The following DCC variants were observed in gnomAD, a reference collection of about 807,000 sequenced individuals.
DCC encodes netrin receptor DCC.
In DCC, 58 loss-of-function variants were observed where a neutral mutation model predicts 172.5. The observed-to-expected ratio is 0.34, with a 90% CI of 0.27 to 0.42. The LOEUF (loss-of-function observed/expected upper bound fraction) is 0.42. DCC is among the 10% of genes least tolerant of loss of function. The pLI is 1.00. For synonymous variants in DCC, 709 were observed against 644.5 expected, an observed-to-expected ratio of 1.10 and a Z score of -1.52; for missense variants, 1,740 against 1,791.0, an observed-to-expected ratio of 0.97 and a Z score of 0.51.
intron 1 of DCC, among the ~76,000 whole-genome samples, chr18:52,417,848 G>A (rs1019178702): frequency 3.9e-5 from 6 of 152,088 alleles, no homozygotes; most frequent in South Asian, 2.1e-4. Flanking sequence ...TAGTTTGATC[G>A]TCTGAAGCCT....
chr18:53,169,742 C>T lies in DCC; in HGVS notation c.1419-9220C>T, dbSNP rs377615367. Among the ~76,000 whole-genome samples, 8 of 152,126 alleles carry T rather than the reference C, an allele frequency of 5.3e-5. No homozygotes were observed. In the South Asian group the frequency reaches 6.2e-4, roughly 12 times the overall value. On this transcript the variant is annotated intron_variant, in intron 8 of 28. Transcript: ENST00000442544. ...AGGAGTTGTTAACGCAGTGAGAGGC[C>T]GAACAATACAAGTTTACCCAAAAAT...
At chr18:53,524,277 A>G (rs1219593545) in intron 27 of DCC, among the ~76,000 whole-genome samples, 2 of 152,006 alleles carry the variant, frequency 1.3e-5, no homozygotes, top group Non-Finnish European at 2.9e-5. Flanking sequence ...GATTAAAAAT[A>G]AATAAGTTGT....
At chr18:53,240,748 T>C (rs1252330859) in intron 12 of DCC, among the ~76,000 whole-genome samples, 1 of 152,202 alleles carries the variant, frequency 6.6e-6, no homozygotes, top group Non-Finnish European at 1.5e-5. Flanking sequence ...GTCATTATCA[T>C]TTTTATCATT....
intron 1 of DCC, among the ~76,000 whole-genome samples, chr18:52,542,415 T>C (rs576164387): frequency 3.3e-5 from 5 of 152,290 alleles, no homozygotes; most frequent in Non-Finnish European, 7.4e-5. Context: ...GCTATACAGT[T>C]GGAGAATCAT....
intron 12 of DCC, 148 bp downstream of exon 12, chr18:53,215,745 C>T (rs1598914396): frequency 8.2e-6 from 6 of 732,150 alleles, no homozygotes; most frequent in Admixed American, 1.9e-5. Flanking sequence ...TGACATTGAT[C>T]CCACATCCTC....
At chr18:53,085,376 C>A (rs991968176) in intron 7 of DCC, among the ~76,000 whole-genome samples, 2 of 151,942 alleles carry the variant, frequency 1.3e-5, no homozygotes, top group Non-Finnish European at 2.9e-5. Flanking sequence ...AATTAAGGAT[C>A]TTTACCAGTT....
chr18:52,914,241 C>T (rs2040009524), intron 3 of DCC, among the ~76,000 whole-genome samples: 1 of 151,872 alleles, frequency 6.6e-6, no homozygotes, highest in Non-Finnish European at 1.5e-5. Context: ...TCACTTCCTT[C>T]AGACTTGCTA....
intron 5 of DCC, among the ~76,000 whole-genome samples, chr18:53,037,494 T>G (rs544819640): frequency 6.6e-6 from 1 of 151,962 alleles, no homozygotes; most frequent in African/African-American, 2.4e-5. Context: ...CGCTCTGTTA[T>G]CCATTTGCAT....
chr18:53,257,441 A>C (rs2056534650), intron 12 of DCC, among the ~76,000 whole-genome samples: 1 of 152,178 alleles, frequency 6.6e-6, no homozygotes, highest in South Asian at 2.1e-4. Context: ...AATTTTGTCA[A>C]AGGCCTTTTC....
intron 1 of DCC, among the ~76,000 whole-genome samples, chr18:52,361,629 C>A (rs181036025): frequency 2.6e-5 from 4 of 152,298 alleles, no homozygotes; most frequent in Non-Finnish European, 5.9e-5. Flanking sequence ...GGCCAGCCAA[C>A]CTCCATATCA....
intron 1 of DCC, among the ~76,000 whole-genome samples, chr18:52,347,103 T>C (rs1983912342): frequency 6.6e-6 from 1 of 152,220 alleles, no homozygotes; most frequent in Non-Finnish European, 1.5e-5. Context: ...ACTGAATCTT[T>C]AGGATGTTAT....
chr18:53,186,619 G>A (rs935288596), intron 9 of DCC, among the ~76,000 whole-genome samples: 2 of 152,156 alleles, frequency 1.3e-5, no homozygotes, highest in Non-Finnish European at 2.9e-5. Flanking sequence ...ATTTTTCTAT[G>A]CAGTTCATAA....
At chr18:52,926,871 A>C (rs113522946) in intron 5 of DCC, among the ~76,000 whole-genome samples, 2 of 146,040 alleles carry the variant, frequency 1.4e-5, no homozygotes, top group Admixed American at 6.8e-5. Flanking sequence ...GTATATATAC[A>C]TATACATATA....
chr18:53,021,520 C>T (rs1350421628), intron 5 of DCC, among the ~76,000 whole-genome samples: 1 of 151,012 alleles, frequency 6.6e-6, no homozygotes, highest in East Asian at 2.0e-4. Context: ...AGAGGAAGTA[C>T]TGAACAGAGA....
chr18:52,781,180 G>A (rs1382153975), intron 2 of DCC, among the ~76,000 whole-genome samples: 1 of 152,110 alleles, frequency 6.6e-6, no homozygotes, highest in Admixed American at 6.6e-5. Context: ...GCAGAGCCTG[G>A]CTGTTTGAAT....
At chr18:52,688,350 A>G (rs2035875216) in intron 1 of DCC, among the ~76,000 whole-genome samples, 1 of 152,132 alleles carries the variant, frequency 6.6e-6, no homozygotes, top group Non-Finnish European at 1.5e-5. Context: ...AGACAAGAAT[A>G]TGGAAGCTTG....
chr18:52,816,879 C>A (rs575977630), intron 2 of DCC: 130 of 152,186 alleles, frequency 8.5e-4, no homozygotes, highest in African/African-American at 2.8e-3. Flanking sequence ...AAATCTATTT[C>A]TATTATCTTA....
chr18:52,822,782 T>G lies in DCC; in HGVS notation c.412+70408T>G, dbSNP rs369008173. 1.1e-4 allele frequency among the ~76,000 whole-genome samples: 17 copies of G among 152,322 alleles called. No homozygotes were observed. The South Asian group carries it at 2.9e-3, about 26-fold the overall frequency. On this transcript the variant is annotated intron_variant, in intron 2 of 28. Coordinates refer to ENST00000442544, the MANE Select transcript of DCC (RefSeq NM_005215.4). ...GATTAAGGTTGTGGTGGAGATACAA[T>G]TTTTTCCTTAAGTTGTTTTCTTCAA...
chr18:52,986,304 G>A (rs185301141), intron 5 of DCC, among the ~76,000 whole-genome samples: 4 of 152,282 alleles, frequency 2.6e-5, no homozygotes, highest in Admixed American at 2.6e-4. Context: ...GGAATTAGGA[G>A]AAATCTTATT....
Sources: gnomAD v4.1 joint callset for allele counts (sites outside exome capture counted in the v4.1 genomes callset) on GRCh38, gnomAD v4.1.1 for gene constraint, MANE v1.5 for transcripts, NCBI Gene and HGNC (gene_info 2026-07-23, HGNC 2026-07-21) for gene names.